Variants in TPD52 observed in about 807,000 individuals in gnomAD.
TPD52 encodes the protein tumor protein D52, also known as prostate and colon associated protein.
Under a neutral mutation model 31.3 loss-of-function variants are expected in TPD52, and 17 were observed. The ratio of observed to expected loss-of-function variants is 0.54; its 90% CI spans 0.37 to 0.82. The LOEUF is 0.82. TPD52 is among the 40% of genes least tolerant of loss of function. TPD52 has a pLI of 0.00. For missense variants in TPD52, 212 were observed against 240.1 expected (o/e 0.88, Z 0.77); for synonymous variants, 83 against 89.6 (o/e 0.93, Z 0.42).
chr8:80,076,913 C>T (rs558308646), intron 1 of TPD52, among the ~76,000 whole-genome samples: 3 of 152,124 alleles, frequency 2.0e-5, no homozygotes, highest in South Asian at 2.1e-4. Context: ...GTGATCTGCC[C>T]GCCTCAGACT....
intron 1 of TPD52, among the ~76,000 whole-genome samples, chr8:80,096,291 AAC>A (rs34309218): frequency 0.4 from 58,016 of 146,516 alleles, 12,016 homozygotes; most frequent in East Asian, 0.74. Context: ...CACACACACA[AAC>A]ACACACACAC....
At chr8:80,119,742 A>G (rs1808121488) in intron 1 of TPD52, 1 of 301,528 alleles carries the variant, frequency 3.3e-6, no homozygotes, top group African/African-American at 2.3e-5. Flanking sequence ...GCATAAGAAT[A>G]AACAAAACAT....
chr8:80,089,189 C>T (rs1467362546), intron 1 of TPD52, among the ~76,000 whole-genome samples: 1 of 152,162 alleles, frequency 6.6e-6, no homozygotes, highest in South Asian at 2.1e-4. Context: ...GGAACAGAAG[C>T]GGGAACAGCA....
At position 80,106,090 on chromosome 8, in the gene TPD52, G is replaced by C. The variant is rs1440526859; in HGVS notation, c.20-41497C>G. Among the ~76,000 whole-genome samples, 8 of 151,852 alleles carry C rather than the reference G, an allele frequency of 5.3e-5. No homozygotes were observed. In the East Asian group the frequency reaches 1.6e-3, roughly 29 times the overall value. Reference sequence around the variant, plus strand: ...ATGGATTTTTTTCCTATTTTTTTGTGGGTTTTTAGATTTTTCTAGCTTTTT... The same window carrying C: ...ATGGATTTTTTTCCTATTTTTTTGTCGGTTTTTAGATTTTTCTAGCTTTTT... On this transcript the variant is annotated intron_variant, in intron 1 of 7. Transcript: ENST00000518937.
intron 1 of TPD52, among the ~76,000 whole-genome samples, chr8:80,077,143 C>A (rs970238013): frequency 2.0e-5 from 3 of 151,948 alleles, no homozygotes; most frequent in African/African-American, 7.3e-5. Flanking sequence ...GATGTGGTGA[C>A]GCGCACCTAT....
At chr8:80,066,029 C>G (rs1563590032) in intron 1 of TPD52, among the ~76,000 whole-genome samples, 1 of 149,412 alleles carries the variant, frequency 6.7e-6, no homozygotes, top group South Asian at 2.1e-4. Context: ...TGCAGTTGTT[C>G]CCTGCTACCC....
At chr8:80,164,373 T>C (rs779596767) in intron 1 of TPD52, among the ~76,000 whole-genome samples, 6 of 152,182 alleles carry the variant, frequency 3.9e-5, no homozygotes, top group East Asian at 1.9e-4. Flanking sequence ...TTCAAATCAA[T>C]AGAGGAAGAA....
intron 1 of TPD52, among the ~76,000 whole-genome samples, chr8:80,155,666 T>G (rs1810915079): frequency 6.6e-6 from 1 of 152,048 alleles, no homozygotes; most frequent in South Asian, 2.1e-4. Flanking sequence ...GGCAGATCAC[T>G]TGAGGTCGGG....
chr8:80,135,990 G>GGGGA (rs1774469924), intron 1 of TPD52, among the ~76,000 whole-genome samples: 1 of 86,884 alleles, frequency 1.2e-5, no homozygotes, highest in Non-Finnish European at 2.3e-5. Flanking sequence ...TGTGGGGTGG[G>GGGGA]GGGAGGGGGG....
At chr8:80,092,703 A>G (rs1234943491) in intron 1 of TPD52, among the ~76,000 whole-genome samples, 1 of 152,150 alleles carries the variant, frequency 6.6e-6, no homozygotes, top group East Asian at 1.9e-4. Context: ...ACTCAAGTGG[A>G]GCTAAAAACT....
intron 5 of TPD52, among the ~76,000 whole-genome samples, chr8:80,046,604 C>G: frequency 6.6e-6 from 1 of 152,160 alleles, no homozygotes; most frequent in East Asian, 1.9e-4. Flanking sequence ...AGAATCATCT[C>G]TAATAGATAG....
intron 1 of TPD52, among the ~76,000 whole-genome samples, chr8:80,143,105 C>T (rs1251526521): frequency 6.6e-6 from 1 of 152,126 alleles, no homozygotes; most frequent in Non-Finnish European, 1.5e-5. Flanking sequence ...GAGGAAAGTA[C>T]CTACTTCATG....
intron 2 of TPD52, among the ~76,000 whole-genome samples, chr8:80,063,385 G>C (rs7004249): frequency 0.039 from 5,977 of 152,270 alleles, 325 homozygotes; most frequent in African/African-American, 0.12. Flanking sequence ...GTATTGCCAG[G>C]GGCTGAAGGA....
At chr8:80,167,247 G>C (rs1295340766) in intron 1 of TPD52, among the ~76,000 whole-genome samples, 1 of 152,180 alleles carries the variant, frequency 6.6e-6, no homozygotes, top group African/African-American at 2.4e-5. Flanking sequence ...TTTCACAACA[G>C]TCAATAATTA....
At chr8:80,094,482 A>ATATATATG (rs1816575463) in intron 1 of TPD52, among the ~76,000 whole-genome samples, 6 of 105,014 alleles carry the variant, frequency 5.7e-5, no homozygotes, top group Admixed American at 2.1e-4. Flanking sequence ...ATATATATAT[A>ATATATATG]TATGTATGTA....
chr8:80,101,119 G>A (rs1004164423), intron 1 of TPD52, among the ~76,000 whole-genome samples: 1 of 152,164 alleles, frequency 6.6e-6, no homozygotes, highest in Non-Finnish European at 1.5e-5. Flanking sequence ...AAAGATGTAT[G>A]GGAAGAGAAA....
At chr8:80,143,976 A>C (rs1455437615) in intron 1 of TPD52, among the ~76,000 whole-genome samples, 2 of 152,202 alleles carry the variant, frequency 1.3e-5, no homozygotes. Context: ...TGAATCTGTA[A>C]GGTGAAATCC....
intron 1 of TPD52, among the ~76,000 whole-genome samples, chr8:80,077,391 C>CT (rs984858741): frequency 6.6e-6 from 1 of 152,128 alleles, no homozygotes. Flanking sequence ...AAGACCCCAG[C>CT]TGTGAGACCC....
At chr8:80,112,358 C>T (rs554576553) in intron 1 of TPD52, among the ~76,000 whole-genome samples, 1 of 152,286 alleles carries the variant, frequency 6.6e-6, no homozygotes, top group East Asian at 1.9e-4. Context: ...ACCACCCAGT[C>T]AAGTAAGGGC....
Sources: gnomAD v4.1 joint callset for allele counts (sites outside exome capture counted in the v4.1 genomes callset) on GRCh38, gnomAD v4.1.1 for gene constraint, MANE v1.5 for transcripts, NCBI Gene and HGNC (gene_info 2026-07-23, HGNC 2026-07-21) for gene names.